The following TMEM245 variants were observed in gnomAD, a reference collection of about 807,000 sequenced individuals.
TMEM245 encodes transmembrane protein 245.
In TMEM245, 69 loss-of-function variants were observed where a neutral mutation model predicts 101.2. The observed-to-expected ratio is 0.68, with a 90% CI of 0.56 to 0.83. The LOEUF is 0.83. TMEM245 is among the 40% of genes least tolerant of loss of function. The pLI is 0.00. For missense variants in TMEM245, 1,075 were observed against 1,092.8 expected, an observed-to-expected ratio of 0.98 and a Z score of 0.23; for synonymous variants, 537 against 449.8, an observed-to-expected ratio of 1.19 and a Z score of -2.45.
At chr9:109,081,122 T>C (rs1482007247) in intron 7 of TMEM245, among the ~76,000 whole-genome samples, 179 bp from the exon 8 acceptor site, 1 of 152,162 alleles carries the variant, frequency 6.6e-6, no homozygotes, top group African/African-American at 2.4e-5. Context: ...TCATTACTGC[T>C]GTTGTTATAT....
In TMEM245 at chr9:109,091,163, G is replaced by C. The variant is rs775223897; in HGVS notation, c.917-8C>G. 4 of 1,610,850 alleles carry C rather than the reference G, an allele frequency of 2.5e-6. No homozygotes were observed. The highest frequency in any genetic ancestry group is 2.5e-6 in the Non-Finnish European group (3 of 1,178,328). On this transcript the variant is annotated splice_polypyrimidine_tract_variant and splice_region_variant and intron_variant, in intron 4 of 17. Transcript: ENST00000374586. The stretch of plus-strand genomic sequence containing the variant: ...CTCCCCTGTCCACTGCTTCTGAAAA[G>C]GAAAAGAAAAACACCACACACCGCA...
chr9:109,085,713 C>T (rs935877618), intron 7 of TMEM245, among the ~76,000 whole-genome samples: 8 of 152,206 alleles, frequency 5.3e-5, no homozygotes, highest in Admixed American at 5.2e-4. Context: ...GGCTGAGCCA[C>T]ATTTACAGAA....
chr9:109,092,087 A>G (rs564561406), intron 4 of TMEM245, among the ~76,000 whole-genome samples: 67 of 152,326 alleles, frequency 4.4e-4, no homozygotes, highest in Non-Finnish European at 8.2e-4. Flanking sequence ...GGTCTTTTAC[A>G]TAGTTGTAGC....
chr9:109,026,038 G>C (rs1203237566), intron 17 of TMEM245, among the ~76,000 whole-genome samples: 2 of 152,180 alleles, frequency 1.3e-5, no homozygotes, highest in Admixed American at 6.5e-5. Context: ...ATTCTCTACT[G>C]TCACACTGTA....
chr9:109,114,369 T>C (rs958837382), intron 1 of TMEM245, among the ~76,000 whole-genome samples: 2 of 152,204 alleles, frequency 1.3e-5, no homozygotes, highest in African/African-American at 4.8e-5. Context: ...GTGTCAGCAG[T>C]GAATGGCTGA....
intron 3 of TMEM245, among the ~76,000 whole-genome samples, chr9:109,099,029 A>G (rs1033850672): frequency 2.0e-5 from 3 of 152,204 alleles, no homozygotes; most frequent in Non-Finnish European, 4.4e-5. Context: ...GATCCACTCC[A>G]TTCTTTTTCA....
intron 14 of TMEM245, among the ~76,000 whole-genome samples, chr9:109,049,678 T>G (rs1828613646): frequency 1.3e-5 from 2 of 152,050 alleles, no homozygotes; most frequent in African/African-American, 4.8e-5. Context: ...AATACAAAAA[T>G]TAACTGGGTG....
At chr9:109,082,906 G>A (rs1332967776) in intron 7 of TMEM245, among the ~76,000 whole-genome samples, 1 of 151,882 alleles carries the variant, frequency 6.6e-6, no homozygotes, top group Non-Finnish European at 1.5e-5. Context: ...AGTGAGGGTT[G>A]GATGTTTCAT....
intron 17 of TMEM245, among the ~76,000 whole-genome samples, chr9:109,030,005 T>C (rs997235448): frequency 2.0e-5 from 3 of 152,218 alleles, no homozygotes; most frequent in Admixed American, 2.0e-4. Flanking sequence ...ATGAATATAA[T>C]TTAAAGTCAT....
chr9:109,099,317 T>G (rs2132608537), intron 3 of TMEM245, among the ~76,000 whole-genome samples: 1 of 152,288 alleles, frequency 6.6e-6, no homozygotes, highest in African/African-American at 2.4e-5. Flanking sequence ...TTTGCTCCCT[T>G]TTTCCAATTT....
intron 14 of TMEM245, among the ~76,000 whole-genome samples, chr9:109,046,720 A>G (rs1828507908): frequency 1.3e-5 from 2 of 152,238 alleles, no homozygotes; most frequent in African/African-American, 4.8e-5. Flanking sequence ...GGTATCACTG[A>G]TATTTGTAGG....
intron 12 of TMEM245, among the ~76,000 whole-genome samples, chr9:109,052,647 C>T (rs1041654991): frequency 6.6e-6 from 1 of 152,198 alleles, no homozygotes; most frequent in South Asian, 2.1e-4. Context: ...CTTGAAAATG[C>T]TTCACAATGC....
At chr9:109,037,654 A>G (rs1372397213) in intron 15 of TMEM245, among the ~76,000 whole-genome samples, 1 of 152,074 alleles carries the variant, frequency 6.6e-6, no homozygotes. Context: ...CACTATTATA[A>G]GTTTCCTGAG....
rs1830740359 is a variant in TMEM245, at chr9:109,117,028, TTTATG to T, written c.579+2302_579+2306del. On this transcript the variant is annotated intron_variant, in intron 1 of 17. Coordinates refer to ENST00000374586, the MANE Select transcript of TMEM245 (RefSeq NM_032012.4). ...TACTCACAAATACTTAACTCATACT[TTTATG>T]TTGAGTTTGTTTTTTTTTAACCCTC... Among the ~76,000 whole-genome samples the T allele has an allele frequency of 2.6e-5, 4 of 152,242 alleles. No homozygotes were observed. The South Asian group carries it at 8.3e-4, about 32-fold the overall frequency.
intron 3 of TMEM245, among the ~76,000 whole-genome samples, chr9:109,101,101 C>T (rs1043512481): frequency 1.3e-5 from 2 of 151,832 alleles, no homozygotes; most frequent in Non-Finnish European, 2.9e-5. Flanking sequence ...GGCAACAGAG[C>T]GAGTCTTAGT....
At chr9:109,025,144 T>C (rs1453498354) in intron 17 of TMEM245, among the ~76,000 whole-genome samples, 1 of 152,160 alleles carries the variant, frequency 6.6e-6, no homozygotes, top group Non-Finnish European at 1.5e-5. Context: ...TCTTCTAAAG[T>C]GGAATGACAG....
At chr9:109,034,590 G>T (rs1255085793) in intron 16 of TMEM245, among the ~76,000 whole-genome samples, 1 of 152,008 alleles carries the variant, frequency 6.6e-6, no homozygotes, top group East Asian at 1.9e-4. Context: ...GGGACTACAG[G>T]CATGTGCCAC....
At chr9:109,035,566 G>T (rs1042774581) in intron 16 of TMEM245, among the ~76,000 whole-genome samples, 6 of 152,028 alleles carry the variant, frequency 3.9e-5, no homozygotes, top group Non-Finnish European at 7.3e-5. Flanking sequence ...GTTTCACATG[G>T]ATATCCTCAG....
In TMEM245 at chr9:109,050,627, T is replaced by C. The variant is rs773569526; in HGVS notation, c.1920A>G (p.Thr640=). 1 of 1,612,980 alleles carries C rather than the reference T, an allele frequency of 6.2e-7. No homozygotes were observed. Among genetic ancestry groups the C allele is most frequent in the South Asian group, 1.1e-5 (1 of 90,992 alleles). The part of the protein sequence containing the change: ...NVSLLFTTVT[T]LLTILFYSGT... ...CGCTGTAGAAGAGGATGGTCAAGAG[T>C]GTAGTGACAGTGGTGAACAGCAGGC... is the stretch of plus-strand genomic sequence containing the variant. Residue 640 remains threonine, a synonymous_variant, in exon 13 of 18, where the codon ACA becomes ACG. Coordinates refer to ENST00000374586, the MANE Select transcript of TMEM245 (RefSeq NM_032012.4).
Sources: allele counts gnomAD v4.1 joint callset (sites outside exome capture counted in the v4.1 genomes callset), GRCh38; gene constraint gnomAD v4.1.1; transcripts MANE v1.5; gene names NCBI Gene and HGNC (gene_info 2026-07-23, HGNC 2026-07-21).